WDFY4: variants seen among roughly 807,000 people sequenced by gnomAD.
WDFY4 encodes the protein WD repeat- and FYVE domain-containing protein 4.
Under a neutral mutation model 351.9 loss-of-function variants are expected in WDFY4, and 169 were observed. The observed-to-expected ratio is 0.48, with a 90% CI of 0.42 to 0.55. The LOEUF is 0.55. WDFY4 is among the 20% of genes least tolerant of loss of function. The pLI is 0.00. For synonymous variants in WDFY4, 1,622 were observed against 1,574.6 expected (o/e 1.03, Z -0.71); for missense variants, 3,803 against 3,935.6 (o/e 0.97, Z 0.90).
chr10:48,810,327 C>A (rs1352476332), intron 28 of WDFY4, among the ~76,000 whole-genome samples: 1 of 152,186 alleles, frequency 6.6e-6, no homozygotes. Flanking sequence ...ACACTGCAAC[C>A]ATTAATAGAC....
At chr10:48,847,673 AC>A (rs2068822711) in intron 39 of WDFY4, among the ~76,000 whole-genome samples, 1 of 152,172 alleles carries the variant, frequency 6.6e-6, no homozygotes, top group South Asian at 2.1e-4. Context: ...AGAGGCCCTG[AC>A]ACCCACAAAG....
chr10:48,721,129 G>C lies in WDFY4; in HGVS notation c.350-132G>C, dbSNP rs749280063. Reference sequence around the variant, plus strand: ...TTTGGTAGAGATGCAGGTGGCCTTGGGGATGTGTAGGCAAGATGCCAAAGT... The same window carrying C: ...TTTGGTAGAGATGCAGGTGGCCTTGCGGATGTGTAGGCAAGATGCCAAAGT... On this transcript the variant is annotated intron_variant, in intron 3 of 61. Coordinates refer to ENST00000325239, the MANE Select transcript of WDFY4 (RefSeq NM_001394531.1). 5.3e-5 allele frequency: 41 copies of C among 778,934 alleles called. No individual in the cohort carries two copies. In the Admixed American group the frequency reaches 6.4e-4, roughly 12 times the overall value. The allele number at this position is 778,934 out of a possible 1,614,324, so 48.3% of individuals were successfully genotyped here. A position where few individuals can be genotyped will look rare whatever the true frequency, so the allele number is the denominator to read the frequency against.
chr10:48,978,410 G>C lies in WDFY4; in HGVS notation c.9376+17G>C, dbSNP rs1227244719. The C allele has an allele frequency of 3.2e-6, 5 of 1,544,872 alleles. No homozygotes were observed. Among genetic ancestry groups the C allele is most frequent in the Non-Finnish European group, 4.4e-6 (5 of 1,144,102 alleles). Reference sequence around the variant, plus strand: ...GCCCAAGAGGTACCTGACCTGCTAGGGATGTGGCCGTCCTGGCCTTGCCCT... The same window carrying C: ...GCCCAAGAGGTACCTGACCTGCTAGCGATGTGGCCGTCCTGGCCTTGCCCT... On this transcript the variant is annotated intron_variant, in intron 60 of 61. Coordinates refer to ENST00000325239, the MANE Select transcript of WDFY4 (RefSeq NM_001394531.1).
chr10:48,827,406 T>G (rs1028650071), intron 36 of WDFY4, among the ~76,000 whole-genome samples: 4 of 151,200 alleles, frequency 2.6e-5, no homozygotes, highest in Non-Finnish European at 5.9e-5. Context: ...AAATTAAGCT[T>G]ATTTGAGTCC....
chr10:48,807,396 T>A (rs941273894), intron 27 of WDFY4, among the ~76,000 whole-genome samples: 1 of 152,184 alleles, frequency 6.6e-6, no homozygotes, highest in African/African-American at 2.4e-5. Context: ...TCTGCTATGA[T>A]TTGAGTTCTG....
chr10:48,871,083 G>A (rs1157090454), intron 40 of WDFY4, among the ~76,000 whole-genome samples: 1 of 151,944 alleles, frequency 6.6e-6, no homozygotes, highest in East Asian at 1.9e-4. Flanking sequence ...ACAGGCACCT[G>A]CCACCACGCC....
chr10:48,880,831 A>G (rs1047874969), intron 43 of WDFY4, among the ~76,000 whole-genome samples: 7 of 151,772 alleles, frequency 4.6e-5, no homozygotes, highest in Non-Finnish European at 1.0e-4. Flanking sequence ...CCCCAGGGTC[A>G]GTGAAGCCAA....
intron 12 of WDFY4, among the ~76,000 whole-genome samples, chr10:48,744,606 T>C (rs750565154): frequency 2.6e-5 from 4 of 152,222 alleles, no homozygotes; most frequent in Non-Finnish European, 4.4e-5. Flanking sequence ...CATCATAGCA[T>C]GAGTTGGACA....
intron 43 of WDFY4, among the ~76,000 whole-genome samples, chr10:48,879,632 G>A (rs534915682): frequency 3.9e-5 from 6 of 152,354 alleles, no homozygotes; most frequent in Admixed American, 1.3e-4. Flanking sequence ...CTGCAGCCAA[G>A]GCATTTGTGG....
At position 48,694,225 on chromosome 10, in the gene WDFY4, G is replaced by T. The variant is rs550570861; in HGVS notation, c.-18+9224G>T. 4.1e-4 allele frequency among the ~76,000 whole-genome samples: 62 copies of T among 152,264 alleles called. 1 individual carries two copies. The South Asian group carries it at 9.8e-3, about 24-fold the overall frequency. Reference sequence around the variant, plus strand: ...TGGGAGTTTGGAGGGTGAGGAATCAGATGGGGGCTGCTCAGAGTCTGGAGA... The same window carrying T: ...TGGGAGTTTGGAGGGTGAGGAATCATATGGGGGCTGCTCAGAGTCTGGAGA... On this transcript the variant is annotated intron_variant, in intron 1 of 61. Transcript: ENST00000325239.
intron 30 of WDFY4, among the ~76,000 whole-genome samples, chr10:48,813,244 G>T (rs1282023422): frequency 6.6e-6 from 1 of 152,132 alleles, no homozygotes; most frequent in African/African-American, 2.4e-5. Flanking sequence ...TACCCCTCTT[G>T]TATATCTTTA....
chr10:48,964,873 A>G (rs914976316), intron 54 of WDFY4, among the ~76,000 whole-genome samples: 4 of 152,058 alleles, frequency 2.6e-5, no homozygotes, highest in Non-Finnish European at 2.9e-5. Flanking sequence ...AACCATGAGG[A>G]CTCGGGGTGG....
intron 1 of WDFY4, among the ~76,000 whole-genome samples, chr10:48,688,582 T>A (rs954057232): frequency 1.3e-5 from 2 of 152,198 alleles, no homozygotes; most frequent in Admixed American, 1.3e-4. Context: ...AATACATTTT[T>A]GGACTGTTGC....
chr10:48,914,066 C>A (rs770655528), intron 47 of WDFY4: 2 of 1,614,092 alleles, frequency 1.2e-6, no homozygotes, highest in South Asian at 1.1e-5. Context: ...AGTCAAGGCG[C>A]TTTTTCCCAT....
chr10:48,971,681 G>A (rs1326510990), intron 57 of WDFY4, among the ~76,000 whole-genome samples: 1 of 152,176 alleles, frequency 6.6e-6, no homozygotes, highest in African/African-American at 2.4e-5. Flanking sequence ...GCCATGCAGG[G>A]CATGGAGGGT....
In WDFY4 at chr10:48,780,029, G is replaced by A. The variant is rs2066166776; in HGVS notation, c.3486G>A (p.Trp1162Ter). The change falls in exon 19 of 62, where the codon TGG becomes TGA. Residue 1162 changes from tryptophan to a stop codon, truncating the protein, a stop_gained. Transcript: ENST00000325239. LOFTEE classifies it high-confidence loss of function. ...RCGQLLACGQWHHLAVVVTKE... is the reference protein window; with the variant it reads ...RCGQLLACGQ ...GCCAGCTCCTGGCTTGTGGTCAGTG[G>A]CATCACTTGGCTGTGGTTGTCACTA... The A allele has an allele frequency of 1.3e-6, 2 of 1,551,842 alleles. No homozygotes were observed. The highest frequency in any genetic ancestry group is 1.7e-6 in the Non-Finnish European group (2 of 1,147,030).
At chr10:48,879,727 T>C (rs2620878) in intron 43 of WDFY4, among the ~76,000 whole-genome samples, 60,902 of 151,970 alleles carry the variant, frequency 0.4, 12,752 homozygotes, top group East Asian at 0.71. Context: ...CCTGCTTCTG[T>C]AGGTCTGAGC....
intron 7 of WDFY4, among the ~76,000 whole-genome samples, chr10:48,729,063 C>T (rs565025052): frequency 2.0e-5 from 3 of 152,358 alleles, no homozygotes; most frequent in South Asian, 2.1e-4. Context: ...GGAAGTCCGA[C>T]TATTTCCCAC....
chr10:48,779,061 C>A (rs1269845856), intron 18 of WDFY4, among the ~76,000 whole-genome samples: 1 of 152,334 alleles, frequency 6.6e-6, no homozygotes, highest in East Asian at 1.9e-4. Context: ...GAGGCCCCAG[C>A]CCTTGGCACA....
Sources: gnomAD v4.1 joint callset for allele counts (sites outside exome capture counted in the v4.1 genomes callset) on GRCh38, gnomAD v4.1.1 for gene constraint, MANE v1.5 for transcripts, NCBI Gene and HGNC (gene_info 2026-07-23, HGNC 2026-07-21) for gene names.